The following ARHGEF9 variants were observed in gnomAD, a reference collection of about 807,000 sequenced individuals.
ARHGEF9 encodes the protein rho guanine nucleotide exchange factor 9.
Under a neutral mutation model 41.3 loss-of-function variants are expected in ARHGEF9, and 2 were observed. The ratio of observed to expected loss-of-function variants is 0.05; its 90% CI spans 0.02 to 0.15. The LOEUF is 0.15. Among genes scored for constraint, ARHGEF9 ranks in the 10% least tolerant of loss-of-function variants. The pLI is 1.00. For synonymous variants in ARHGEF9, 160 were observed against 154.4 expected, an observed-to-expected ratio of 1.04 and a Z score of -0.27; for missense variants, 225 against 424.7, an observed-to-expected ratio of 0.53 and a Z score of 4.13.
chrX:63,734,514 A>G (rs1245476301), intron 1 of ARHGEF9, among the ~76,000 whole-genome samples: 1 of 112,160 alleles, frequency 8.9e-6, no homozygotes, highest in East Asian at 2.8e-4. Context: ...ATCACGTGCC[A>G]CACTGAAACC....
At chrX:63,754,955 C>T (rs2055873076) in intron 1 of ARHGEF9, 2 of 937,297 alleles carry the variant, frequency 2.1e-6, no homozygotes, top group African/African-American at 4.1e-5. Flanking sequence ...CTCAGTCTGT[C>T]CGGGCGTGCG....
intron 1 of ARHGEF9, chrX:63,767,419 T>A (rs1344459700): frequency 3.4e-5 from 13 of 378,796 alleles, no homozygotes; most frequent in East Asian, 2.7e-4. Context: ...TTTTAAAAAA[T>A]TTTTGTTTAT....
chrX:63,683,860 G>A (rs1275466265), intron 4 of ARHGEF9, among the ~76,000 whole-genome samples: 1 of 110,739 alleles, frequency 9.0e-6, no homozygotes, highest in Non-Finnish European at 1.9e-5. Flanking sequence ...ATGCATAAGA[G>A]ACTGAAACAT....
chrX:63,764,886 A>G (rs782043042), intron 1 of ARHGEF9, among the ~76,000 whole-genome samples: 9 of 111,561 alleles, frequency 8.1e-5, no homozygotes, highest in Non-Finnish European at 1.5e-4. Flanking sequence ...TGATGGGTTG[A>G]TCTGTGCAAC....
chrX:63,638,900 G>GAA (rs2047455714), intron 9 of ARHGEF9, among the ~76,000 whole-genome samples: 1 of 111,887 alleles, frequency 8.9e-6, no homozygotes, highest in Non-Finnish European at 1.9e-5. Context: ...TTTTCAAACG[G>GAA]AATAGCTTAA....
intron 1 of ARHGEF9, chrX:63,755,067 T>A: frequency 1.1e-6 from 1 of 939,236 alleles, no homozygotes; most frequent in Admixed American, 5.8e-5. Flanking sequence ...GGCTCCCGGC[T>A]GCCAGACACT....
intron 6 of ARHGEF9, chrX:63,671,181 T>A (rs1556355122): frequency 1.8e-5 from 2 of 112,543 alleles, no homozygotes; most frequent in Admixed American, 9.3e-5. Context: ...AAATATGGCA[T>A]CTTTTTCTTG....
At chrX:63,723,546 T>C (rs1457176036) in intron 2 of ARHGEF9, among the ~76,000 whole-genome samples, 12 of 112,035 alleles carry the variant, frequency 1.1e-4, no homozygotes, top group Admixed American at 5.7e-4. Context: ...CTCATGTAGC[T>C]TCAGTACTTG....
At chrX:63,666,039 G>A (rs782733622) in intron 6 of ARHGEF9, 22 bp from the exon 7 acceptor site, 2 of 1,208,736 alleles carry the variant, frequency 1.7e-6, no homozygotes, top group Non-Finnish European at 2.2e-6. Context: ...ATGTGATGAT[G>A]AGAGGCAGCC....
chrX:63,673,566 G>A (rs2050086503), intron 6 of ARHGEF9, among the ~76,000 whole-genome samples: 2 of 110,674 alleles, frequency 1.8e-5, no homozygotes, highest in Non-Finnish European at 3.8e-5. Flanking sequence ...ATAGTGTACA[G>A]GCCTAATAGA....
At chrX:63,717,257 G>A (rs1556410773) in intron 2 of ARHGEF9, among the ~76,000 whole-genome samples, 1 of 112,466 alleles carries the variant, frequency 8.9e-6, no homozygotes, top group African/African-American at 3.2e-5. Flanking sequence ...TATGGCCCCA[G>A]TAACATTATT....
chrX:63,704,337 G>A (rs544630245), intron 3 of ARHGEF9, among the ~76,000 whole-genome samples: 1 of 112,407 alleles, frequency 8.9e-6, no homozygotes, highest in Admixed American at 9.4e-5. Flanking sequence ...GTCTGGGTTG[G>A]AGCCAAAGAT....
intron 2 of ARHGEF9, among the ~76,000 whole-genome samples, chrX:63,717,866 G>T (rs1556411143): frequency 9.0e-6 from 1 of 111,509 alleles, no homozygotes; most frequent in African/African-American, 3.3e-5. Flanking sequence ...GCTAATAAAT[G>T]GAAAGGCTCT....
intron 2 of ARHGEF9, chrX:63,719,541 A>G (rs2053519899): frequency 3.5e-6 from 1 of 288,559 alleles, no homozygotes. Context: ...GCAATGAATG[A>G]CAGAACACAT....
chrX:63,766,678 C>T (rs2056117937), intron 1 of ARHGEF9, among the ~76,000 whole-genome samples: 1 of 111,880 alleles, frequency 8.9e-6, no homozygotes, highest in Admixed American at 9.5e-5. Flanking sequence ...GGGCAAAAGT[C>T]ATTTGAGTCT....
At chrX:63,688,188 G>A (rs2051106673) in intron 4 of ARHGEF9, among the ~76,000 whole-genome samples, 1 of 110,699 alleles carries the variant, frequency 9.0e-6, no homozygotes, top group African/African-American at 3.3e-5. Context: ...GTCCTACAGG[G>A]CAGGAGGGAG....
intron 3 of ARHGEF9, among the ~76,000 whole-genome samples, chrX:63,703,951 T>C (rs1222204304): frequency 1.8e-5 from 2 of 111,355 alleles, no homozygotes; most frequent in Non-Finnish European, 3.8e-5. Flanking sequence ...AATATATTAG[T>C]AATGCTGAAG....
At chrX:63,715,149 T>C (rs1313703413) in intron 2 of ARHGEF9, among the ~76,000 whole-genome samples, 8 of 112,001 alleles carry the variant, frequency 7.1e-5, no homozygotes, top group Non-Finnish European at 1.5e-4. Flanking sequence ...GTCTTCTCCT[T>C]TCATTGGTTT....
At chrX:63,672,078 G>A (rs2049993217) in intron 6 of ARHGEF9, among the ~76,000 whole-genome samples, 1 of 110,998 alleles carries the variant, frequency 9.0e-6, no homozygotes, top group Non-Finnish European at 1.9e-5. Flanking sequence ...GGGGATGATG[G>A]TCATGAGAAT....
Sources: allele counts gnomAD v4.1 joint callset (sites outside exome capture counted in the v4.1 genomes callset), GRCh38; gene constraint gnomAD v4.1.1; transcripts MANE v1.5; gene names NCBI Gene and HGNC (gene_info 2026-07-23, HGNC 2026-07-21).